MTTP: variants seen among roughly 807,000 people sequenced by gnomAD.
MTTP encodes the protein microsomal triglyceride transfer protein.
Under a neutral mutation model 90.6 loss-of-function variants are expected in MTTP, and 49 were observed. The ratio of observed to expected loss-of-function variants is 0.54; its 90% CI spans 0.43 to 0.69. MTTP has a LOEUF of 0.69. Ranked by LOEUF, MTTP falls within the 30% of genes least tolerant of loss-of-function variation. The pLI, the probability that MTTP is intolerant of heterozygous loss-of-function variation, is 0.00. For synonymous variants in MTTP, 347 were observed against 384.2 expected, an observed-to-expected ratio of 0.90 and a Z score of 1.13; for missense variants, 945 against 1,067.5, an observed-to-expected ratio of 0.89 and a Z score of 1.60.
chr4:99,622,532 A>T, intron 17 of MTTP, 145 bp from the exon 18 acceptor site: 1 of 801,152 alleles, frequency 1.2e-6, no homozygotes, highest in Non-Finnish European at 2.1e-6. Flanking sequence ...AAAATCACCC[A>T]TTCATGGAGT....
chr4:99,620,053 A>G (rs1308022489), intron 16 of MTTP, among the ~76,000 whole-genome samples: 1 of 152,230 alleles, frequency 6.6e-6, no homozygotes, highest in Non-Finnish European at 1.5e-5. Context: ...TTTTTAAAAA[A>G]GTACACAGTA....
In MTTP at chr4:99,623,029, A is replaced by G; in HGVS notation, c.*181A>G. ...TGGGTATATGCAGTATGCTACCCAC[A>G]GCGTCATTTTGAATCATCATGTGAC... On this transcript the variant is annotated 3_prime_UTR_variant, in exon 18 of 18. Coordinates refer to ENST00000265517, the MANE Select transcript of MTTP (RefSeq NM_001386140.1). 2 of 656,708 alleles carry G rather than the reference A, an allele frequency of 3.0e-6. No individual in the cohort carries two copies. The highest frequency in any genetic ancestry group is 2.5e-5 in the Admixed American group (1 of 40,270). 40.7% of individuals were successfully genotyped at this position (656,708 alleles called of 1,614,324 possible).
intron 8 of MTTP, among the ~76,000 whole-genome samples, chr4:99,600,307 G>A (rs1481393396): frequency 6.6e-6 from 1 of 151,922 alleles, no homozygotes. Flanking sequence ...CTTGGCTTAG[G>A]TTAATATAGT....
intron 3 of MTTP, chr4:99,583,796 A>C (rs1725187300): frequency 3.5e-6 from 2 of 563,386 alleles, no homozygotes; most frequent in South Asian, 4.8e-5. Flanking sequence ...TTAAAAGGTA[A>C]ATTTCTCATC....
chr4:99,608,453 AAT>A (rs941220536), intron 11 of MTTP, among the ~76,000 whole-genome samples: 14 of 152,204 alleles, frequency 9.2e-5, no homozygotes, highest in Non-Finnish European at 1.9e-4. Context: ...TCAAAAAAAA[AAT>A]GTTTATTTCT....
intron 7 of MTTP, among the ~76,000 whole-genome samples, chr4:99,596,775 T>C (rs191410381): frequency 1.1e-3 from 172 of 152,300 alleles, no homozygotes; most frequent in African/African-American, 3.9e-3. Flanking sequence ...TCCCTTGGTG[T>C]AGCCGTGAAA....
At chr4:99,591,865 T>A (rs968080309) in intron 6 of MTTP, 75 bp downstream of exon 6, 7 of 1,297,000 alleles carry the variant, frequency 5.4e-6, no homozygotes, top group Non-Finnish European at 7.6e-6. Flanking sequence ...TAAATAGATC[T>A]GTGTTTGTGT....
rs1191468117 is a variant in MTTP, at chr4:99,591,440, A to C, written c.618+89A>C. 29 of 1,234,972 alleles carry C rather than the reference A, an allele frequency of 2.3e-5. No homozygotes were observed. In the Admixed American group the frequency reaches 5.3e-4, roughly 23 times the overall value. 76.5% of individuals were successfully genotyped at this position (1,234,972 alleles called of 1,614,324 possible). On this transcript the variant is annotated intron_variant, in intron 5 of 17. Transcript: ENST00000265517. ...TGTAATAGAAAAATAAAGTAGAAAT[A>C]GAATTTTGAAACATTTGTAATTTTT...
At chr4:99,618,413 C>T (rs1310036566) in intron 15 of MTTP, among the ~76,000 whole-genome samples, 2 of 152,178 alleles carry the variant, frequency 1.3e-5, no homozygotes, top group Non-Finnish European at 2.9e-5. Flanking sequence ...TGAAGGACCT[C>T]GAGAGATCAC....
chr4:99,569,636 A>G (rs1398662232), intron 1 of MTTP, among the ~76,000 whole-genome samples: 1 of 151,990 alleles, frequency 6.6e-6, no homozygotes, highest in East Asian at 1.9e-4. Context: ...TGGCAAAAAA[A>G]GAAAATGCAA....
Position 99,591,866 on chromosome 4 carries a change from G to A in MTTP, c.758+76G>A. On this transcript the variant is annotated intron_variant, in intron 6 of 17. Transcript: ENST00000265517. The stretch of plus-strand genomic sequence containing the variant: ...TTATACTTGATTTGTAAATAGATCT[G>A]TGTTTGTGTGTGTGTGTGTGTGCGC... 15 of 1,297,952 alleles carry A rather than the reference G, an allele frequency of 1.2e-5. No individual in the cohort carries two copies. In the South Asian group the frequency reaches 1.8e-4, roughly 15 times the overall value. 80.4% of individuals were successfully genotyped at this position (1,297,952 alleles called of 1,614,324 possible).
chr4:99,606,558 A>T (rs557411436), intron 10 of MTTP, among the ~76,000 whole-genome samples, 190 bp from the exon 11 acceptor site: 91 of 152,216 alleles, frequency 6.0e-4, no homozygotes, highest in African/African-American at 1.6e-3. Context: ...TATTTTTTTT[A>T]AAAAAAGCAT....
In MTTP at chr4:99,606,766, A is replaced by C; in HGVS notation, c.1363A>C (p.Lys455Gln). 1 of 1,613,760 alleles carries C rather than the reference A, an allele frequency of 6.2e-7. No individual in the cohort carries two copies. Among genetic ancestry groups the C allele is most frequent in the Non-Finnish European group, 8.5e-7 (1 of 1,179,982 alleles). The change falls in exon 11 of 18, where the codon AAG becomes CAG. Residue 455 changes from lysine to glutamine, a missense_variant. By Grantham distance (53) the Lys-to-Gln change is moderately conservative. Coordinates refer to ENST00000265517, the MANE Select transcript of MTTP (RefSeq NM_001386140.1). ...TTTTCAGGCAGTAGTGGAAGCTAAG[A>C]AGTTAATCCTGGGAGGACTTGAAAA... ...CKLKAVVEAK[K>Q]LILGGLEKAE...
chr4:99,598,240 C>G (rs76405797), intron 8 of MTTP, among the ~76,000 whole-genome samples: 3,821 of 152,182 alleles, frequency 0.025, 163 homozygotes, highest in African/African-American at 0.086. Context: ...TTATCAGGCT[C>G]TGTTTTAATT....
At chr4:99,574,408 AT>A (rs1724902578), upstream of MTTP, among the ~76,000 whole-genome samples, 1 of 152,226 alleles carries the variant, frequency 6.6e-6, no homozygotes, top group Non-Finnish European at 1.5e-5. Context: ...AAATTCAAAG[AT>A]GTCCATACAA....
chr4:99,569,766 A>G (rs1025779394), intron 1 of MTTP, among the ~76,000 whole-genome samples: 2 of 152,022 alleles, frequency 1.3e-5, no homozygotes, highest in African/African-American at 2.4e-5. Context: ...ATCTCAAACC[A>G]TATCTACATC....
intron 3 of MTTP, among the ~76,000 whole-genome samples, chr4:99,584,924 G>A (rs371642422): frequency 7.2e-4 from 110 of 152,088 alleles, no homozygotes; most frequent in African/African-American, 2.3e-3. Flanking sequence ...AGCCTTCTCC[G>A]ACATCTTTCC....
chr4:99,574,922 G>A lies in MTTP; in HGVS notation c.13G>A (p.Ala5Thr). 1 of 1,614,162 alleles carries A rather than the reference G, an allele frequency of 6.2e-7. No homozygotes were observed. Among genetic ancestry groups the A allele is most frequent in the Non-Finnish European group, 8.5e-7 (1 of 1,180,018 alleles). MILL[A>T]VLFLCFISSY... The stretch of plus-strand genomic sequence containing the variant: ...ATTGCTGGTCAATATGATTCTTCTT[G>A]CTGTGCTTTTTCTCTGCTTCATTTC... Residue 5 changes from alanine (A) to threonine (T), a missense_variant, in exon 1 of 18, where the codon GCT becomes ACT. Transcript: ENST00000265517.
At chr4:99,601,458 G>T in intron 9 of MTTP, 149 bp from the exon 10 acceptor site, 1 of 590,058 alleles carries the variant, frequency 1.7e-6, no homozygotes, top group Non-Finnish European at 3.1e-6. Flanking sequence ...GATAGCAAAT[G>T]TGTAAGTGTC....
Sources: allele counts gnomAD v4.1 joint callset (sites outside exome capture counted in the v4.1 genomes callset), GRCh38; gene constraint gnomAD v4.1.1; transcripts MANE v1.5; gene names NCBI Gene and HGNC (gene_info 2026-07-23, HGNC 2026-07-21).